Variants in SCN7A observed in about 807,000 individuals in gnomAD.
The protein encoded by SCN7A is sodium channel protein type 7 subunit alpha.
In SCN7A, 138 loss-of-function variants were observed where a neutral mutation model predicts 155.2. That is an observed-to-expected ratio of 0.89 (90% CI 0.77 to 1.02). The LOEUF is 1.02. Ranked by LOEUF, SCN7A falls within the 50% of genes least tolerant of loss-of-function variation. The pLI, the probability that SCN7A is intolerant of heterozygous loss-of-function variation, is 0.00. For synonymous variants in SCN7A, 693 were observed against 649.0 expected, an observed-to-expected ratio of 1.07 and a Z score of -1.03; for missense variants, 2,058 against 1,986.6, an observed-to-expected ratio of 1.04 and a Z score of -0.68.
intron 22 of SCN7A, 67 bp downstream of exon 22, chr2:166,413,001 G>C (rs1457600916): frequency 5.4e-6 from 6 of 1,105,768 alleles, no homozygotes; most frequent in African/African-American, 3.2e-5. Context: ...CTGGTGTCCT[G>C]TGCTCGAATT....
chr2:166,434,888 TAAAC>T (rs1315847444), intron 15 of SCN7A, among the ~76,000 whole-genome samples: 3 of 152,076 alleles, frequency 2.0e-5, no homozygotes, highest in African/African-American at 7.2e-5. Context: ...AAATAGGTAA[TAAAC>T]AAATATTTAT....
At chr2:166,483,575 T>C in intron 2 of SCN7A, among the ~76,000 whole-genome samples, 1 of 151,914 alleles carries the variant, frequency 6.6e-6, no homozygotes, top group East Asian at 1.9e-4. Flanking sequence ...ATGGCTCAAC[T>C]ATTTAAATAC....
chr2:166,483,017 A>G (rs909087009), intron 2 of SCN7A, among the ~76,000 whole-genome samples: 50 of 152,212 alleles, frequency 3.3e-4, no homozygotes, highest in Middle Eastern at 3.4e-3. Context: ...AAAATTGAAT[A>G]GCTAAAGTAA....
At chr2:166,443,801 C>T (rs1702007897) in intron 13 of SCN7A, 125 bp from the exon 14 acceptor site, 1 of 684,788 alleles carries the variant, frequency 1.5e-6, no homozygotes, top group Non-Finnish European at 2.4e-6. Context: ...GCTTCTCTGT[C>T]AATATCTGGT....
chr2:166,432,707 T>G lies in SCN7A; in HGVS notation c.2203A>C (p.Lys735Gln). ...LALVSSFSSC[K>Q]DVTAEENNEA... is the part of the protein sequence containing the mutation. Reference sequence around the variant, plus strand: ...TTATTCTCTTCAGCTGTTACATCCTTGCATGAACTAAATGAGCTCACCAAT... The same window carrying G: ...TTATTCTCTTCAGCTGTTACATCCTGGCATGAACTAAATGAGCTCACCAAT... Residue 735 changes from lysine (K) to glutamine (Q), a missense_variant, in exon 16 of 26, where the codon AAG becomes CAG. Lys to Gln is a moderately conservative substitution (Grantham distance 53, BLOSUM62 1). Coordinates refer to ENST00000643258, the MANE Select transcript of SCN7A (RefSeq NM_002976.4). 1 of 1,583,248 alleles carries G rather than the reference T, an allele frequency of 6.3e-7. No homozygotes were observed. Among genetic ancestry groups the G allele is most frequent in the Non-Finnish European group, 8.6e-7 (1 of 1,168,668 alleles).
intron 13 of SCN7A, 133 bp downstream of exon 13, chr2:166,444,629 T>A (rs1702023260): frequency 1.6e-6 from 1 of 613,664 alleles, no homozygotes; most frequent in Admixed American, 3.0e-5. Context: ...AACACAATGC[T>A]TCATTCAATA....
intron 10 of SCN7A, 145 bp from the exon 11 acceptor site, chr2:166,457,221 G>C: frequency 4.9e-6 from 3 of 614,348 alleles, no homozygotes; most frequent in Non-Finnish European, 8.3e-6. Context: ...TTAAGCACTG[G>C]CTCCACCTGA....
At position 166,432,744 on chromosome 2, in the gene SCN7A, G is replaced by A. The variant is rs752582669; in HGVS notation, c.2166C>T (p.Tyr722=). 2.0e-6 allele frequency: 3 copies of A among 1,529,910 alleles called. No homozygotes were observed. The highest frequency in any genetic ancestry group is 2.6e-6 in the Non-Finnish European group (3 of 1,144,762). 94.8% of individuals were successfully genotyped at this position (1,529,910 alleles called of 1,614,324 possible). ...ATGAGCTCACCAATGCCAGAAACAG[G>A]TAAAGTACCTAAATAAGGAAGTAAA... ...VILIGNLLVL[Y]LFLALVSSFS... Residue 722 remains tyrosine (Y), a synonymous_variant, in exon 16 of 26, where the codon TAC becomes TAT. Transcript: ENST00000643258.
intron 5 of SCN7A, among the ~76,000 whole-genome samples, chr2:166,473,586 T>C (rs1285331410): frequency 6.6e-6 from 1 of 151,366 alleles, no homozygotes; most frequent in Non-Finnish European, 1.5e-5. Flanking sequence ...GAATGAAAGT[T>C]ACCTGAGTTA....
At chr2:166,418,012 C>T (rs1192903614) in intron 20 of SCN7A, among the ~76,000 whole-genome samples, 1 of 151,764 alleles carries the variant, frequency 6.6e-6, no homozygotes, top group Admixed American at 6.6e-5. Flanking sequence ...TCTTATTACT[C>T]CACTGAAGCT....
At chr2:166,414,101 T>G (rs1407540023) in intron 21 of SCN7A, among the ~76,000 whole-genome samples, 1 of 65,802 alleles carries the variant, frequency 1.5e-5, no homozygotes, top group Non-Finnish European at 2.7e-5. Flanking sequence ...ATATATAATA[T>G]ATTATATATA....
chr2:166,455,295 A>C (rs1377841650), intron 11 of SCN7A, among the ~76,000 whole-genome samples: 1 of 152,150 alleles, frequency 6.6e-6, no homozygotes, highest in African/African-American at 2.4e-5. Context: ...ATAAACATCT[A>C]TTAGAAGGCA....
chr2:166,445,751 G>A (rs888567316), intron 12 of SCN7A, among the ~76,000 whole-genome samples: 1 of 151,566 alleles, frequency 6.6e-6, no homozygotes, highest in Non-Finnish European at 1.5e-5. Context: ...ACGTGCTGCT[G>A]GATTCGACAA....
In SCN7A at chr2:166,423,368, A is replaced by T; in HGVS notation, c.2918T>A (p.Met973Lys). Residue 973 changes from methionine (M) to lysine (K), a missense_variant, in exon 19 of 26, where the codon ATG (methionine) becomes AAG (lysine). Coordinates refer to ENST00000643258, the MANE Select transcript of SCN7A (RefSeq NM_002976.4). ...CAGAATGAAGATATAAGTAAAGATC[A>T]TGTCAGCATATTCTAATAAAATTTT... ...TIKILLEYAD[M>K]IFTYIFILEM... is the part of the protein sequence containing the mutation. The T allele has an allele frequency of 6.2e-7, 1 of 1,610,330 alleles. No individual in the cohort carries two copies. Among genetic ancestry groups the T allele is most frequent in the South Asian group, 1.1e-5 (1 of 90,390 alleles).
intron 15 of SCN7A, 70 bp from the exon 16 acceptor site, chr2:166,432,822 T>C: frequency 8.7e-7 from 1 of 1,143,324 alleles, no homozygotes; most frequent in Non-Finnish European, 1.2e-6. Context: ...AAAAGTTTGT[T>C]TACAAAACTG....
chr2:166,464,112 A>T (rs756028560), intron 9 of SCN7A, among the ~76,000 whole-genome samples: 1 of 151,514 alleles, frequency 6.6e-6, no homozygotes, highest in Non-Finnish European at 1.5e-5. Flanking sequence ...TACGACATAC[A>T]TATGTGTATA....
chr2:166,478,298 A>C lies in SCN7A; in HGVS notation c.-14-588T>G, dbSNP rs182359989. On this transcript the variant is annotated intron_variant, in intron 2 of 25. Coordinates refer to ENST00000643258, the MANE Select transcript of SCN7A (RefSeq NM_002976.4). Reference sequence around the variant, plus strand: ...CGTATACCCTAGAACTTAAAGTATAATAAAAAATATATATAATATATATAA... The same window carrying C: ...CGTATACCCTAGAACTTAAAGTATACTAAAAAATATATATAATATATATAA... Among the ~76,000 whole-genome samples, 137 of 149,956 alleles carry C rather than the reference A, an allele frequency of 9.1e-4. 1 individual carries two copies. The highest frequency in any genetic ancestry group is 3.2e-3 in the African/African-American group (131 of 41,232).
chr2:166,462,785 T>C (rs1310973603), intron 9 of SCN7A, among the ~76,000 whole-genome samples: 1 of 152,194 alleles, frequency 6.6e-6, no homozygotes, highest in Non-Finnish European at 1.5e-5. Context: ...ATTTTTTTTG[T>C]ATTTCTTTAT....
rs1701061318 is a variant in SCN7A, at chr2:166,405,947, G to A, written c.4682C>T (p.Ala1561Val). ...CCCAACAGCCATGGGGAGGTCCAAA[G>A]CAATGAGCTGGCCCTTGTTTGGTTT... ...MAKPNKGQLI[A>V]LDLPMAVGDR... Residue 1561 changes from alanine (A) to valine (V), a missense_variant, in exon 26 of 26, where the codon GCT (alanine) becomes GTT (valine). Physicochemically the swap from Ala to Val is moderately conservative, Grantham distance 64 (BLOSUM62 0). Transcript: ENST00000643258. 6.2e-7 allele frequency: 1 copy of A among 1,612,866 alleles called. No individual in the cohort carries two copies. The highest frequency in any genetic ancestry group is 1.7e-5 in the Admixed American group (1 of 59,822).
Sources: allele counts gnomAD v4.1 joint callset (sites outside exome capture counted in the v4.1 genomes callset), GRCh38; gene constraint gnomAD v4.1.1; transcripts MANE v1.5; gene names NCBI Gene and HGNC (gene_info 2026-07-23, HGNC 2026-07-21).